The following NDUFA5 variants were observed in gnomAD, a reference collection of about 807,000 sequenced individuals.
NDUFA5 encodes NADH:ubiquinone oxidoreductase subunit A5.
In NDUFA5, 11 loss-of-function variants were observed where a neutral mutation model predicts 19.8. That is an observed-to-expected ratio of 0.56 (90% CI 0.35 to 0.92). The LOEUF is 0.92. NDUFA5 is among the 40% of genes least tolerant of loss of function. The probability of loss-of-function intolerance (pLI) is 0.01; values close to 1 mark genes in which losing one functional copy is unlikely to be tolerated. For synonymous variants in NDUFA5, 47 were observed against 46.8 expected, an observed-to-expected ratio of 1.00 and a Z score of -0.01; for missense variants, 109 against 134.2, an observed-to-expected ratio of 0.81 and a Z score of 0.93.
chr7:123,588,723 T>A, the NDUFA5 span, among the ~76,000 whole-genome samples: 2 of 151,756 alleles, frequency 1.3e-5, no homozygotes, highest in Admixed American at 1.3e-4. Context: ...TGCTCTTCCC[T>A]TTTAGAATTG....
chr7:123,558,838 A>G (rs1798646529), upstream of NDUFA5, among the ~76,000 whole-genome samples: 2 of 152,156 alleles, frequency 1.3e-5, no homozygotes, highest in Admixed American at 1.3e-4. Flanking sequence ...GACACCATCA[A>G]ATTTATGTTT....
intron 2 of NDUFA5, among the ~76,000 whole-genome samples, chr7:123,553,114 G>C (rs113536259): frequency 6.6e-6 from 1 of 152,140 alleles, no homozygotes; most frequent in Non-Finnish European, 1.5e-5. Context: ...CACTGTTTGC[G>C]TATAAAGATA....
chr7:123,558,021 A>G (rs1168571765), upstream of NDUFA5: 1 of 687,088 alleles, frequency 1.5e-6, no homozygotes, highest in Non-Finnish European at 2.4e-6. Flanking sequence ...CGATTGGGGA[A>G]AGAAAGGGTT....
chr7:123,561,844 C>T (rs1025021762), upstream of NDUFA5, among the ~76,000 whole-genome samples: 2 of 151,908 alleles, frequency 1.3e-5, no homozygotes, highest in Non-Finnish European at 2.9e-5. Context: ...GATCCACCCA[C>T]CTCAGCCTTC....
chr7:123,597,004 A>T, the NDUFA5 span, among the ~76,000 whole-genome samples: 1 of 152,262 alleles, frequency 6.6e-6, no homozygotes, highest in Non-Finnish European at 1.5e-5. Context: ...GATATGTAAG[A>T]AGTCAGAATT....
At chr7:123,583,360 C>G in the NDUFA5 span, among the ~76,000 whole-genome samples, 13 of 151,976 alleles carry the variant, frequency 8.6e-5, no homozygotes, top group African/African-American at 2.9e-4. Flanking sequence ...TGGGAACTAA[C>G]GGGAAACTGG....
chr7:123,552,594 C>A (rs1205415550), intron 2 of NDUFA5, among the ~76,000 whole-genome samples: 1 of 141,728 alleles, frequency 7.1e-6, no homozygotes, highest in Admixed American at 7.4e-5. Context: ...ATGTAACAAA[C>A]CTGCACGTTC....
At chr7:123,566,338 G>T in the NDUFA5 span, among the ~76,000 whole-genome samples, 1 of 152,142 alleles carries the variant, frequency 6.6e-6, no homozygotes, top group Non-Finnish European at 1.5e-5. Context: ...CTCTATATTG[G>T]ACCTCTAGCC....
chr7:123,556,958 A>C (rs774238723), intron 2 of NDUFA5: 10 of 455,780 alleles, frequency 2.2e-5, no homozygotes, highest in African/African-American at 1.0e-4. Flanking sequence ...GAATAAAAAA[A>C]TTTTGTGGGT....
chr7:123,601,020 AAG>A, the NDUFA5 span, among the ~76,000 whole-genome samples: 1 of 152,192 alleles, frequency 6.6e-6, no homozygotes, highest in East Asian at 1.9e-4. Flanking sequence ...GTAAGTCAGA[AAG>A]AGGTCACTGA....
chr7:123,597,917 C>CGTGTGTGTGTGTAT, the NDUFA5 span, among the ~76,000 whole-genome samples: 5,869 of 133,012 alleles, frequency 0.044, 161 homozygotes, highest in Non-Finnish European at 0.065. Context: ...TTTCAAACTT[C>CGTGTGTGTGTGTAT]GTGTGTGTGT....
the NDUFA5 span, among the ~76,000 whole-genome samples, chr7:123,580,651 T>G: frequency 6.6e-6 from 1 of 152,040 alleles, no homozygotes; most frequent in African/African-American, 2.4e-5. Context: ...TCCAAGTGAA[T>G]GCAACCCTTC....
the NDUFA5 span, among the ~76,000 whole-genome samples, chr7:123,582,000 G>C: frequency 6.6e-6 from 1 of 152,006 alleles, no homozygotes; most frequent in Non-Finnish European, 1.5e-5. Flanking sequence ...ATTGTGTACT[G>C]TTGCTCCATT....
intron 3 of NDUFA5, chr7:123,545,896 A>T (rs1798115592): frequency 2.4e-6 from 1 of 412,246 alleles, no homozygotes. Context: ...TGACATGCTG[A>T]TCAAGGGACA....
At chr7:123,589,301 T>TTA in the NDUFA5 span, among the ~76,000 whole-genome samples, 4 of 147,476 alleles carry the variant, frequency 2.7e-5, no homozygotes, top group African/African-American at 7.4e-5. Context: ...CTTTCATCTC[T>TTA]TTATTATTAT....
chr7:123,556,739 A>G, intron 2 of NDUFA5: 1 of 418,448 alleles, frequency 2.4e-6, no homozygotes. Flanking sequence ...GTGTCAAAAA[A>G]CGCTGCTATT....
chr7:123,565,106 C>A, the NDUFA5 span, among the ~76,000 whole-genome samples: 1 of 152,092 alleles, frequency 6.6e-6, no homozygotes, highest in African/African-American at 2.4e-5. Context: ...AGCCTGAAAA[C>A]CCACAGAGCC....
In NDUFA5 at chr7:123,547,888, C is replaced by G. The variant is rs76410975; in HGVS notation, c.184-2212G>C. On this transcript the variant is annotated intron_variant, in intron 3 of 4. Coordinates refer to ENST00000355749, the MANE Select transcript of NDUFA5 (RefSeq NM_005000.5). ...ACTATATACTTGGGACTATGTTAAG[C>G]TTTTACGTGCATTACCTCATTCGGT... Among the ~76,000 whole-genome samples, 828 of 152,114 alleles carry G rather than the reference C, an allele frequency of 5.4e-3. 8 individuals carry two copies. Among genetic ancestry groups the G allele is most frequent in the African/African-American group, 0.019 (797 of 41,526 alleles).
intron 3 of NDUFA5, chr7:123,546,614 G>A (rs772857040): frequency 2.8e-5 from 34 of 1,196,228 alleles, no homozygotes; most frequent in Non-Finnish European, 3.5e-5. Flanking sequence ...TTTTCAGGGT[G>A]TTTTTCTGGC....
Sources: allele counts gnomAD v4.1 joint callset (sites outside exome capture counted in the v4.1 genomes callset), GRCh38; gene constraint gnomAD v4.1.1; transcripts MANE v1.5; gene names NCBI Gene and HGNC (gene_info 2026-07-23, HGNC 2026-07-21).